The following CNOT6 variants were observed in gnomAD, a reference collection of about 807,000 sequenced individuals.
CNOT6 encodes carbon catabolite repression 4 protein.
Under a neutral mutation model 61.2 loss-of-function variants are expected in CNOT6, and 12 were observed. The ratio of observed to expected loss-of-function variants is 0.20; its 90% CI spans 0.13 to 0.32. The LOEUF (loss-of-function observed/expected upper bound fraction) is 0.32, where lower values mean the gene tolerates loss of function less well. Ranked by LOEUF, CNOT6 falls within the 10% of genes least tolerant of loss-of-function variation. CNOT6 has a pLI of 1.00. For synonymous variants in CNOT6, 225 were observed against 240.6 expected (o/e 0.94, Z 0.60); for missense variants, 405 against 663.9 (o/e 0.61, Z 4.28).
At chr5:180,504,747 T>A (rs1358463514) in intron 1 of CNOT6, among the ~76,000 whole-genome samples, 1 of 152,136 alleles carries the variant, frequency 6.6e-6, no homozygotes, top group Non-Finnish European at 1.5e-5. Context: ...TTTAAAGAGA[T>A]TTGCGGAACT....
intron 1 of CNOT6, among the ~76,000 whole-genome samples, chr5:180,498,361 G>C (rs1756712653): frequency 6.6e-6 from 1 of 152,192 alleles, no homozygotes. Flanking sequence ...TAGTGTATAG[G>C]CTTCATAGGT....
chr5:180,512,205 T>C (rs1243820809), intron 1 of CNOT6, among the ~76,000 whole-genome samples: 1 of 152,226 alleles, frequency 6.6e-6, no homozygotes, highest in East Asian at 1.9e-4. Context: ...AAGGCATTCA[T>C]GGTTCTGGTT....
In CNOT6 at chr5:180,576,226, A is replaced by G. The variant is rs545351402; in HGVS notation, c.*2026A>G. ...TGTGTTGGTAATGTGCATCATGACA[A>G]TTTCCAGTGAAGGTGAGCTGGAGCT... On this transcript the variant is annotated 3_prime_UTR_variant, in exon 12 of 12. Coordinates refer to ENST00000261951, the MANE Select transcript of CNOT6 (RefSeq NM_001370472.1). The G allele has an allele frequency of 1.3e-5, 2 of 152,738 alleles. No homozygotes were observed. Among genetic ancestry groups the G allele is most frequent in the South Asian group, 4.1e-4 (2 of 4,828 alleles). 9.5% of individuals were successfully genotyped at this position (152,738 alleles called of 1,614,324 possible). A position where few individuals can be genotyped will look rare whatever the true frequency, so the allele number is the denominator to read the frequency against.
intron 11 of CNOT6, 97 bp from the exon 12 acceptor site, chr5:180,573,889 TTC>T: frequency 1.2e-6 from 1 of 811,696 alleles, no homozygotes; most frequent in Admixed American, 2.0e-5. Flanking sequence ...ACTTGTTCTG[TTC>T]TGTTCACCAA....
intron 2 of CNOT6, among the ~76,000 whole-genome samples, chr5:180,530,645 G>T (rs532533368): frequency 6.6e-6 from 1 of 151,848 alleles, no homozygotes; most frequent in East Asian, 1.9e-4. Flanking sequence ...TAGGACAATA[G>T]TGGAGGGAAG....
At chr5:180,500,954 G>A (rs557939552) in intron 1 of CNOT6, among the ~76,000 whole-genome samples, 10 of 152,260 alleles carry the variant, frequency 6.6e-5, no homozygotes, top group South Asian at 4.1e-4. Flanking sequence ...GTTAGGTTGA[G>A]TAGGACAGGG....
rs1342142994 is a variant in CNOT6 at position 180,550,059 on chromosome 5, C to T, written c.241C>T (p.Leu81=). ...AKLHNLVYLD[L]SSNKIRSLPA... ...GCTTCACAATCTGGTGTATTTGGACCTGTCATCTAATAAAATTCGTAGCTT... is the reference window on the plus strand; with the variant it reads ...GCTTCACAATCTGGTGTATTTGGACTTGTCATCTAATAAAATTCGTAGCTT... The change falls in exon 3 of 12, where the codon CTG becomes TTG. Residue 81 remains leucine, a synonymous_variant. Transcript: ENST00000261951. 1 of 1,613,974 alleles carries T rather than the reference C, an allele frequency of 6.2e-7. No homozygotes were observed. Among genetic ancestry groups the T allele is most frequent in the Non-Finnish European group, 8.5e-7 (1 of 1,179,982 alleles).
chr5:180,571,445 A>ACAT lies in CNOT6; in HGVS notation c.1461+14_1461+15insATC. On this transcript the variant is annotated intron_variant, in intron 11 of 11. Coordinates refer to ENST00000261951, the MANE Select transcript of CNOT6 (RefSeq NM_001370472.1). Reference sequence around the variant, plus strand: ...ATTTGATTTCAAGGTGTGTCTTGAGACTGATAAGCTTTTCAAACCTGTCTT... The same window carrying ACAT: ...ATTTGATTTCAAGGTGTGTCTTGAGACATCTGATAAGCTTTTCAAACCTGTCTT... 1 of 1,605,452 alleles carries ACAT rather than the reference A, an allele frequency of 6.2e-7. No individual in the cohort carries two copies. Among genetic ancestry groups the ACAT allele is most frequent in the Non-Finnish European group, 8.5e-7 (1 of 1,172,414 alleles).
intron 11 of CNOT6, among the ~76,000 whole-genome samples, chr5:180,573,594 TGTGTGTGTCC>T (rs70973942): frequency 0.39 from 23,586 of 60,402 alleles, 2,175 homozygotes; most frequent in East Asian, 0.47. Flanking sequence ...TGTGTGTGTG[TGTGTGTGTCC>T]GTCCGTCCGT....
At position 180,577,852 on chromosome 5, in the gene CNOT6, T is replaced by C. The variant is rs1761078198; in HGVS notation, c.*3652T>C. The C allele has an allele frequency of 6.5e-6, 1 of 152,678 alleles. No individual in the cohort carries two copies. The highest frequency in any genetic ancestry group is 2.4e-5 in the African/African-American group (1 of 41,464). The allele number at this position is 152,678 out of a possible 1,614,324, so 9.5% of individuals were successfully genotyped here. A position where few individuals can be genotyped will look rare whatever the true frequency, so the allele number is the denominator to read the frequency against. On this transcript the variant is annotated 3_prime_UTR_variant, in exon 12 of 12. Coordinates refer to ENST00000261951, the MANE Select transcript of CNOT6 (RefSeq NM_001370472.1). The stretch of plus-strand genomic sequence containing the variant: ...CAAGGGCTTTTACTGTTCTGTTCAG[T>C]GGAACCTTCTTGGTCAAATTGTAAT...
intron 1 of CNOT6, among the ~76,000 whole-genome samples, chr5:180,497,650 A>G (rs1756674716): frequency 6.6e-6 from 1 of 152,202 alleles, no homozygotes; most frequent in Non-Finnish European, 1.5e-5. Flanking sequence ...TTTTACTGGG[A>G]AAACCAAAGA....
intron 9 of CNOT6, among the ~76,000 whole-genome samples, chr5:180,568,707 G>C (rs941630438): frequency 4.6e-5 from 7 of 152,108 alleles, no homozygotes; most frequent in Non-Finnish European, 8.8e-5. Context: ...GGAACAGTTG[G>C]AACTGGAGAA....
At chr5:180,533,526 T>C (rs1294855649) in intron 2 of CNOT6, among the ~76,000 whole-genome samples, 2 of 151,778 alleles carry the variant, frequency 1.3e-5, no homozygotes, top group African/African-American at 4.8e-5. Flanking sequence ...TCCTCCCACC[T>C]CACCCTCCTG....
intron 2 of CNOT6, among the ~76,000 whole-genome samples, chr5:180,537,152 C>T (rs897730425): frequency 3.3e-5 from 5 of 152,168 alleles, no homozygotes; most frequent in African/African-American, 1.2e-4. Flanking sequence ...TTTTCAGCTC[C>T]TTTGGGTAAA....
chr5:180,549,372 G>A (rs556005116), intron 2 of CNOT6, among the ~76,000 whole-genome samples: 8 of 152,160 alleles, frequency 5.3e-5, no homozygotes, highest in South Asian at 2.1e-4. Context: ...AAATTTGGCC[G>A]GGCACAGTGG....
At chr5:180,532,359 C>T (rs1410188886) in intron 2 of CNOT6, among the ~76,000 whole-genome samples, 1 of 152,186 alleles carries the variant, frequency 6.6e-6, no homozygotes, top group Non-Finnish European at 1.5e-5. Context: ...TGAGATACAT[C>T]TCTGAGGCTG....
chr5:180,557,361 A>AGCAGTGCATGG (rs146032215), intron 4 of CNOT6, among the ~76,000 whole-genome samples: 7 of 152,080 alleles, frequency 4.6e-5, no homozygotes, highest in South Asian at 2.1e-4. Flanking sequence ...TACATTGTAA[A>AGCAGTGCATGG]GTGATTCACT....
intron 2 of CNOT6, among the ~76,000 whole-genome samples, chr5:180,537,818 T>TA (rs1758777107): frequency 6.8e-6 from 1 of 147,744 alleles, no homozygotes; most frequent in South Asian, 2.1e-4. Flanking sequence ...TTTTTTTTTT[T>TA]GGTGTAAATG....
chr5:180,532,672 G>A (rs1484399500), intron 2 of CNOT6, among the ~76,000 whole-genome samples: 2 of 152,072 alleles, frequency 1.3e-5, no homozygotes, highest in Non-Finnish European at 2.9e-5. Flanking sequence ...CAGATCCCAC[G>A]GTTTGTGGAC....
Sources: allele counts gnomAD v4.1 joint callset (sites outside exome capture counted in the v4.1 genomes callset), GRCh38; gene constraint gnomAD v4.1.1; transcripts MANE v1.5; gene names NCBI Gene and HGNC (gene_info 2026-07-23, HGNC 2026-07-21).